The following TACR1 variants were observed in gnomAD, a reference collection of about 807,000 sequenced individuals.
TACR1 encodes tachykinin receptor 1, also known as substance-P receptor.
In TACR1, 25 loss-of-function variants were observed where a neutral mutation model predicts 35.8. The observed-to-expected ratio is 0.70, with a 90% CI of 0.51 to 0.98. TACR1 has a LOEUF of 0.98. Among genes scored for constraint, TACR1 ranks in the 50% least tolerant of loss-of-function variants. The probability of loss-of-function intolerance (pLI) is 0.00; values close to 1 mark genes in which losing one functional copy is unlikely to be tolerated. For missense variants in TACR1, 478 were observed against 522.9 expected (o/e 0.91, Z 0.84); for synonymous variants, 195 against 206.7 (o/e 0.94, Z 0.48).
chr2:75,113,354 C>T (rs1252710300), intron 2 of TACR1, among the ~76,000 whole-genome samples: 1 of 152,108 alleles, frequency 6.6e-6, no homozygotes, highest in South Asian at 2.1e-4. Context: ...AAGGCTCACA[C>T]TTTCACCTCC....
chr2:75,158,497 T>C (rs1674919441), intron 1 of TACR1, among the ~76,000 whole-genome samples: 1 of 152,114 alleles, frequency 6.6e-6, no homozygotes. Flanking sequence ...GGGGGAAGAG[T>C]GCTCTATCGC....
At chr2:75,095,352 C>T (rs556649648) in intron 2 of TACR1, among the ~76,000 whole-genome samples, 2 of 152,248 alleles carry the variant, frequency 1.3e-5, no homozygotes, top group South Asian at 4.1e-4. Flanking sequence ...GCCAGAGATG[C>T]TAGCATTGTA....
chr2:75,087,488 C>T (rs1421366083), intron 2 of TACR1, among the ~76,000 whole-genome samples: 1 of 152,170 alleles, frequency 6.6e-6, no homozygotes, highest in Non-Finnish European at 1.5e-5. Context: ...TCACCATGCA[C>T]ATTTGACAGA....
At chr2:75,170,823 G>C (rs568425212) in intron 1 of TACR1, among the ~76,000 whole-genome samples, 1 of 152,156 alleles carries the variant, frequency 6.6e-6, no homozygotes, top group Admixed American at 6.5e-5. Context: ...GGCATCTGGC[G>C]GAAGAAATTT....
At chr2:75,064,220 C>T (rs1266978423) in intron 2 of TACR1, among the ~76,000 whole-genome samples, 1 of 152,208 alleles carries the variant, frequency 6.6e-6, no homozygotes, top group Non-Finnish European at 1.5e-5. Flanking sequence ...CCACACTCCT[C>T]CTCCCTTCAG....
chr2:75,168,460 C>T (rs1287072961), intron 1 of TACR1, among the ~76,000 whole-genome samples: 1 of 152,150 alleles, frequency 6.6e-6, no homozygotes, highest in Non-Finnish European at 1.5e-5. Flanking sequence ...GCTGAATGGT[C>T]ACAAAGATGC....
intron 1 of TACR1, among the ~76,000 whole-genome samples, chr2:75,147,529 G>A (rs1003972628): frequency 7.2e-5 from 11 of 152,094 alleles, no homozygotes; most frequent in African/African-American, 1.9e-4. Context: ...TTTAAGACCC[G>A]CATGTATCAG....
chr2:75,092,178 A>G (rs1673325197), intron 2 of TACR1, among the ~76,000 whole-genome samples: 1 of 152,192 alleles, frequency 6.6e-6, no homozygotes, highest in Non-Finnish European at 1.5e-5. Context: ...TATATCACAT[A>G]CACTGTAGCA....
chr2:75,120,772 G>A lies in TACR1; in HGVS notation c.390-4C>T. On this transcript the variant is annotated splice_polypyrimidine_tract_variant and splice_region_variant and intron_variant, in intron 1 of 4. Coordinates refer to ENST00000305249, the MANE Select transcript of TACR1 (RefSeq NM_001058.4). ...GGGATGTATGATGGCCATGTACCTG[G>A]AACAGAGAAGAAAGAACAAAGTTCT... is the stretch of plus-strand genomic sequence containing the variant. The A allele has an allele frequency of 6.3e-7, 1 of 1,592,570 alleles. No homozygotes were observed. The highest frequency in any genetic ancestry group is 8.6e-7 in the Non-Finnish European group (1 of 1,169,170).
At position 75,070,229 on chromosome 2, in the gene TACR1, GTGTA is replaced by G. The variant is rs1158123059; in HGVS notation, c.585-16478_585-16475del. ...CCCAACATTGTATGTATGTGTGTGT[GTGTA>G]TGTGTGTGTGTGTGTGTGTATGTGT... On this transcript the variant is annotated intron_variant, in intron 2 of 4. Transcript: ENST00000305249. 6.7e-5 allele frequency among the ~76,000 whole-genome samples: 8 copies of G among 119,988 alleles called. No homozygotes were observed. The East Asian group carries it at 1.2e-3, about 18-fold the overall frequency. The allele number at this position is 119,988 out of a possible 152,430, so 78.7% of individuals were successfully genotyped here. A position where few individuals can be genotyped will look rare whatever the true frequency, so the allele number is the denominator to read the frequency against.
At chr2:75,081,592 G>A (rs1482631998) in intron 2 of TACR1, among the ~76,000 whole-genome samples, 1 of 152,140 alleles carries the variant, frequency 6.6e-6, no homozygotes, top group Non-Finnish European at 1.5e-5. Flanking sequence ...TAGGTTGGGG[G>A]CAGAGTCAGG....
intron 1 of TACR1, among the ~76,000 whole-genome samples, chr2:75,192,366 C>G (rs1675866978): frequency 6.6e-6 from 1 of 152,080 alleles, no homozygotes; most frequent in Admixed American, 6.6e-5. Context: ...AGGAATAGTC[C>G]AAAACCAAAG....
chr2:75,152,851 A>C (rs1399706590), intron 1 of TACR1, among the ~76,000 whole-genome samples: 1 of 152,178 alleles, frequency 6.6e-6, no homozygotes, highest in African/African-American at 2.4e-5. Context: ...TAGTGGGTGG[A>C]TCAAAGGCTA....
chr2:75,087,628 C>T (rs1673213761), intron 2 of TACR1, among the ~76,000 whole-genome samples: 1 of 152,200 alleles, frequency 6.6e-6, no homozygotes, highest in Non-Finnish European at 1.5e-5. Flanking sequence ...TGCTAGTTAA[C>T]ATTTCCCCAG....
chr2:75,176,446 C>G (rs1675422104), intron 1 of TACR1, among the ~76,000 whole-genome samples: 1 of 151,950 alleles, frequency 6.6e-6, no homozygotes, highest in Admixed American at 6.6e-5. Context: ...TCCCTTCAAT[C>G]TCCTTTAAAA....
chr2:75,106,483 T>G (rs972093517), intron 2 of TACR1, among the ~76,000 whole-genome samples: 2 of 152,004 alleles, frequency 1.3e-5, no homozygotes, highest in Non-Finnish European at 2.9e-5. Context: ...CTTAAATGTA[T>G]CGCAGGAGTT....
intron 1 of TACR1, chr2:75,156,258 G>C (rs911541679): frequency 2.0e-5 from 3 of 152,100 alleles, no homozygotes; most frequent in Non-Finnish European, 4.4e-5. Flanking sequence ...GTGGAGACTG[G>C]AATTATGCAG....
rs1672385742 is a variant in TACR1, at chr2:75,047,338, G to A, written c.*2094C>T. The A allele has an allele frequency of 1.3e-5, 2 of 152,204 alleles. No homozygotes were observed. The highest frequency in any genetic ancestry group is 4.8e-5 in the African/African-American group (2 of 41,446). The allele number at this position is 152,204 out of a possible 1,614,324, so 9.4% of individuals were successfully genotyped here. ...TCTCAGATGCCTCCAAGACTGCTGG[G>A]CAGCTTAGACTCACTAGGACTGGTG... On this transcript the variant is annotated 3_prime_UTR_variant, in exon 5 of 5. Coordinates refer to ENST00000305249, the MANE Select transcript of TACR1 (RefSeq NM_001058.4).
intron 2 of TACR1, among the ~76,000 whole-genome samples, chr2:75,108,316 C>T (rs1436407957): frequency 6.6e-6 from 1 of 152,060 alleles, no homozygotes; most frequent in Non-Finnish European, 1.5e-5. Flanking sequence ...CCATGACCAA[C>T]TAAGATTTAT....
Sources: allele counts gnomAD v4.1 joint callset (sites outside exome capture counted in the v4.1 genomes callset), GRCh38; gene constraint gnomAD v4.1.1; transcripts MANE v1.5; gene names NCBI Gene and HGNC (gene_info 2026-07-23, HGNC 2026-07-21).